The following RGR variants were observed in gnomAD, a reference collection of about 807,000 sequenced individuals.
The protein encoded by RGR is retinal G protein coupled receptor, also known as RPE-retinal G protein-coupled receptor.
In RGR, 30 loss-of-function variants were observed where a neutral mutation model predicts 28.6. The observed-to-expected ratio is 1.05, with a 90% confidence interval of 0.78 to 1.42. RGR has a LOEUF of 1.42. RGR is among the 40% of genes most tolerant of loss of function. The pLI, the probability that RGR is intolerant of heterozygous loss-of-function variation, is 0.00. For synonymous variants in RGR, 180 were observed against 156.4 expected (o/e 1.15, Z -1.13); for missense variants, 404 against 375.6 (o/e 1.08, Z -0.62).
chr10:84,257,768 A>G, intron 5 of RGR, 125 bp from the exon 6 acceptor site: 1 of 750,362 alleles, frequency 1.3e-6, no homozygotes, highest in East Asian at 2.7e-5. Context: ...CTGCAGACTC[A>G]GCCCCCTCCT....
In RGR at chr10:84,258,357, G is replaced by A. The variant is rs997974119; in HGVS notation, c.745-151G>A. ...TGGCTCCATGGACTCCGTGAGCCAT[G>A]CATCTCCACCAACTAGTCAGGGAAG... On this transcript the variant is annotated intron_variant, in intron 6 of 6. Coordinates refer to ENST00000652092, the MANE Select transcript of RGR (RefSeq NM_001012720.2). 3.1e-6 allele frequency: 4 copies of A among 1,276,180 alleles called. No homozygotes were observed. The African/African-American group carries it at 4.4e-5, about 14-fold the overall frequency. 79.1% of individuals were successfully genotyped at this position (1,276,180 alleles called of 1,614,324 possible).
At chr10:84,248,828 G>T in intron 2 of RGR, 94 bp from the exon 3 acceptor site, 2 of 1,609,406 alleles carry the variant, frequency 1.2e-6, no homozygotes, top group Non-Finnish European at 1.7e-6. Flanking sequence ...AAGAAGGGCA[G>T]CATTCAGGAA....
intron 4 of RGR, among the ~76,000 whole-genome samples, 172 bp from the exon 5 acceptor site, chr10:84,254,154 T>G (rs187297969): frequency 3.1e-4 from 47 of 152,290 alleles, no homozygotes; most frequent in African/African-American, 1.1e-3. Flanking sequence ...TCCTTGTAGC[T>G]CCCTGGCTCC....
At position 84,253,989 on chromosome 10, in the gene RGR, C is replaced by T. The variant is rs533281893; in HGVS notation, c.513-337C>T. ...CCCGTCTCCTTTTAAAACCTTTGGG[C>T]CTAGAATGCTCCTTGAATGTTCCTT... On this transcript the variant is annotated intron_variant, in intron 4 of 6. Transcript: ENST00000652092. Among the ~76,000 whole-genome samples, 3 of 152,318 alleles carry T rather than the reference C, an allele frequency of 2.0e-5. No homozygotes were observed. The East Asian group carries it at 5.8e-4, about 29-fold the overall frequency.
chr10:84,247,053 A>G (rs1842754947), intron 1 of RGR, among the ~76,000 whole-genome samples: 1 of 152,174 alleles, frequency 6.6e-6, no homozygotes, highest in Non-Finnish European at 1.5e-5. Context: ...CAGAGAGCTT[A>G]AGGAGCAGCA....
chr10:84,259,806 A>G lies in RGR; in HGVS notation c.*1167A>G, dbSNP rs1251598418. Reference sequence around the variant, plus strand: ...TTCTGGATAATAGTCTGGATAATATATTCTGGATAATATATAATAGTCTTA... The same window carrying G: ...TTCTGGATAATAGTCTGGATAATATGTTCTGGATAATATATAATAGTCTTA... On this transcript the variant is annotated 3_prime_UTR_variant, in exon 7 of 7. Coordinates refer to ENST00000652092, the MANE Select transcript of RGR (RefSeq NM_001012720.2). 1.3e-5 allele frequency: 2 copies of G among 152,080 alleles called. No homozygotes were observed. Among genetic ancestry groups the G allele is most frequent in the African/African-American group, 4.8e-5 (2 of 41,420 alleles). The allele number at this position is 152,080 out of a possible 1,614,324, so 9.4% of individuals were successfully genotyped here. A position where few individuals can be genotyped will look rare whatever the true frequency, so the allele number is the denominator to read the frequency against.
chr10:84,252,984 C>T lies in RGR; in HGVS notation c.486C>T (p.Cys162=). The change falls in exon 4 of 7, where the codon TGC becomes TGT. Residue 162 remains cysteine (C), a synonymous_variant. Coordinates refer to ENST00000652092, the MANE Select transcript of RGR (RefSeq NM_001012720.2). ...HYDYEPLGTC[C]TLDYSKGDRN... ...ACTATGAGCCACTGGGGACATGCTG[C>T]ACCCTGGACTACTCCAAGGGGGACA... is the stretch of plus-strand genomic sequence containing the variant. 6.2e-7 allele frequency: 1 copy of T among 1,613,864 alleles called. No individual in the cohort carries two copies. The highest frequency in any genetic ancestry group is 8.5e-7 in the Non-Finnish European group (1 of 1,180,032).
Position 84,252,843 on chromosome 10 carries a change from T to A in RGR, c.359-14T>A. ...CCTCCTCACAACCTCCTCTTCTTCCTCTGTCCTGTGCAGGTAGCCAGCTGG... is the reference window on the plus strand; with the variant it reads ...CCTCCTCACAACCTCCTCTTCTTCCACTGTCCTGTGCAGGTAGCCAGCTGG... On this transcript the variant is annotated splice_polypyrimidine_tract_variant and intron_variant, in intron 3 of 6. Transcript: ENST00000652092. 2 of 1,614,112 alleles carry A rather than the reference T, an allele frequency of 1.2e-6. No homozygotes were observed. Among genetic ancestry groups the A allele is most frequent in the Admixed American group, 1.7e-5 (1 of 60,026 alleles).
At chr10:84,248,873 G>A in intron 2 of RGR, 49 bp from the exon 3 acceptor site, 1 of 1,614,214 alleles carries the variant, frequency 6.2e-7, no homozygotes, top group Non-Finnish European at 8.5e-7. Context: ...AGGTGTGGGA[G>A]GTGGAAAGGA....
intron 5 of RGR, among the ~76,000 whole-genome samples, chr10:84,257,246 C>A (rs1331540875): frequency 6.6e-6 from 1 of 152,172 alleles, no homozygotes; most frequent in Non-Finnish European, 1.5e-5. Flanking sequence ...CCCCAGGCGG[C>A]ACCCCAGCAT....
chr10:84,258,378 G>A, intron 6 of RGR, 130 bp from the exon 7 acceptor site: 2 of 1,472,094 alleles, frequency 1.4e-6, no homozygotes, highest in South Asian at 2.3e-5. Flanking sequence ...AACTAGTCAG[G>A]GAAGCCTCCA....
chr10:84,259,404 G>A lies in RGR; in HGVS notation c.*765G>A, dbSNP rs1842927204. On this transcript the variant is annotated 3_prime_UTR_variant, in exon 7 of 7. Transcript: ENST00000652092. ...TTTCTTTTCCTTTGGGTAGATACCA[G>A]TAGTAGGACTGCTGGATCAAATGGT... 6.6e-6 allele frequency: 1 copy of A among 152,358 alleles called. No individual in the cohort carries two copies. The highest frequency in any genetic ancestry group is 1.5e-5 in the Non-Finnish European group (1 of 68,182). 9.4% of individuals were successfully genotyped at this position (152,358 alleles called of 1,614,324 possible).
At chr10:84,248,087 A>G in intron 2 of RGR, 1 of 533,834 alleles carries the variant, frequency 1.9e-6, no homozygotes, top group Non-Finnish European at 3.1e-6. Flanking sequence ...TAACTCATAT[A>G]GGTGGTTGGA....
intron 2 of RGR, 41 bp downstream of exon 2, chr10:84,247,788 C>T: frequency 6.2e-7 from 1 of 1,613,526 alleles, no homozygotes; most frequent in Non-Finnish European, 8.5e-7. Flanking sequence ...TGGGGTCCTG[C>T]CTGGGGCCTG....
In RGR at chr10:84,259,872, T is replaced by A. The variant is rs1842931411; in HGVS notation, c.*1233T>A. The A allele has an allele frequency of 6.6e-6, 1 of 152,150 alleles. No homozygotes were observed. Among genetic ancestry groups the A allele is most frequent in the Non-Finnish European group, 1.5e-5 (1 of 68,026 alleles). The allele number at this position is 152,150 out of a possible 1,614,324, so 9.4% of individuals were successfully genotyped here. On this transcript the variant is annotated 3_prime_UTR_variant, in exon 7 of 7. Transcript: ENST00000652092. ...TTCTGGATACATGGTTTGCAAATAT[T>A]TTCTCCGGTTCTGCACGTTGTTCAT...
intron 6 of RGR, 139 bp from the exon 7 acceptor site, chr10:84,258,369 A>G: frequency 5.7e-6 from 8 of 1,394,228 alleles, no homozygotes; most frequent in African/African-American, 1.4e-5. Context: ...ATCTCCACCA[A>G]CTAGTCAGGG....
rs142837721 is a variant in RGR, at chr10:84,245,300, TC to T, written c.79+135del. 3,672 of 801,332 alleles carry T rather than the reference TC, an allele frequency of 4.6e-3. 119 individuals carry two copies. In the African/African-American group the frequency reaches 0.057, roughly 13 times the overall value. The allele number at this position is 801,332 out of a possible 1,614,324, so 49.6% of individuals were successfully genotyped here. A position where few individuals can be genotyped will look rare whatever the true frequency, so the allele number is the denominator to read the frequency against. Reference sequence around the variant, plus strand: ...GGGTGTCCGGTCCCATTGGCTGCCTTCCCCTCTGTGCCCGGACTCGGGGGGT... The same window carrying T: ...GGGTGTCCGGTCCCATTGGCTGCCTTCCCTCTGTGCCCGGACTCGGGGGGT... On this transcript the variant is annotated intron_variant, in intron 1 of 6. Transcript: ENST00000652092.
intron 3 of RGR, among the ~76,000 whole-genome samples, chr10:84,249,257 C>T (rs867883636): frequency 3.9e-5 from 6 of 152,152 alleles, no homozygotes; most frequent in African/African-American, 1.2e-4. Flanking sequence ...TTGCCATTAC[C>T]GCAACCTTGG....
chr10:84,245,219 G>A, intron 1 of RGR, 50 bp downstream of exon 1: 1 of 1,568,848 alleles, frequency 6.4e-7, no homozygotes, highest in Non-Finnish European at 8.7e-7. Flanking sequence ...GGGTTCTGAG[G>A]ACCCAGGCCA....
Sources: allele counts gnomAD v4.1 joint callset (sites outside exome capture counted in the v4.1 genomes callset), GRCh38; gene constraint gnomAD v4.1.1; transcripts MANE v1.5; gene names NCBI Gene and HGNC (gene_info 2026-07-23, HGNC 2026-07-21).